BBS5: variants seen among roughly 807,000 people sequenced by gnomAD.
BBS5 encodes BBSome complex member BBS5.
Under a neutral mutation model 50.2 loss-of-function variants are expected in BBS5, and 39 were observed. The observed-to-expected ratio is 0.78, with a 90% CI of 0.60 to 1.01. The LOEUF (loss-of-function observed/expected upper bound fraction) is 1.01. Ranked by LOEUF, BBS5 falls within the 50% of genes least tolerant of loss-of-function variation. The probability of loss-of-function intolerance (pLI) is 0.00; values close to 1 mark genes in which losing one functional copy is unlikely to be tolerated. For synonymous variants in BBS5, 134 were observed against 133.1 expected, an observed-to-expected ratio of 1.01 and a Z score of -0.05; for missense variants, 356 against 401.5, an observed-to-expected ratio of 0.89 and a Z score of 0.97.
At chr2:169,496,686 G>A (rs540197575) in intron 7 of BBS5, among the ~76,000 whole-genome samples, 117 of 151,652 alleles carry the variant, frequency 7.7e-4, no homozygotes, top group Middle Eastern at 3.4e-3. Context: ...CGGCTAAAAC[G>A]GTGAAACCCC....
rs2105297825 is a variant in BBS5, at chr2:169,493,007, C to T, written c.520C>T (p.Gln174Ter). ...TGGAGTTTGGAATTTATCCAGTGAT[C>T]AGGTATTGTGCAAAGAGCTAGTGAA... ...INGVWNLSSD[Q>*]GNLGTFFITN... The change falls in exon 6 of 12, where the codon CAG (glutamine) becomes TAG (stop). Residue 174 changes from glutamine (Q) to a stop codon, truncating the protein, a stop_gained and splice_region_variant. Coordinates refer to ENST00000295240, the MANE Select transcript of BBS5 (RefSeq NM_152384.3). LOFTEE classifies it high-confidence loss of function. 1.2e-6 allele frequency: 2 copies of T among 1,613,474 alleles called. No individual in the cohort carries two copies. Among genetic ancestry groups the T allele is most frequent in the Non-Finnish European group, 8.5e-7 (1 of 1,179,754 alleles).
At chr2:169,483,981 T>C (rs1683446099) in intron 2 of BBS5, among the ~76,000 whole-genome samples, 1 of 152,196 alleles carries the variant, frequency 6.6e-6, no homozygotes, top group Non-Finnish European at 1.5e-5. Context: ...AAAACATTTT[T>C]CGATTCCTCA....
At position 169,497,082 on chromosome 2, in the gene BBS5, G is replaced by C. The variant is rs116117623; in HGVS notation, c.619-545G>C. ...TGCCTGTAACCCCAGCACTTTGGGAGACCAAGAAAGGAGGATTGCTTGAAG... is the reference window on the plus strand; with the variant it reads ...TGCCTGTAACCCCAGCACTTTGGGACACCAAGAAAGGAGGATTGCTTGAAG... On this transcript the variant is annotated intron_variant, in intron 7 of 11. Transcript: ENST00000295240. 8.7e-3 allele frequency among the ~76,000 whole-genome samples: 1,329 copies of C among 152,314 alleles called. 24 individuals carry two copies. Among genetic ancestry groups the C allele is most frequent in the African/African-American group, 0.03 (1,254 of 41,580 alleles).
At chr2:169,499,699 A>G (rs1683764382) in intron 9 of BBS5, 79 bp downstream of exon 9, 4 of 1,411,348 alleles carry the variant, frequency 2.8e-6, no homozygotes, top group Middle Eastern at 1.8e-4. Flanking sequence ...ACCACTGTGC[A>G]CCATTTAATT....
intron 5 of BBS5, among the ~76,000 whole-genome samples, chr2:169,489,667 G>A (rs72885832): frequency 0.081 from 12,032 of 148,924 alleles, 620 homozygotes; most frequent in Non-Finnish European, 0.11. Context: ...TCACTACCTC[G>A]GCTTTTTTTC....
At chr2:169,481,644 A>G (rs1213869713) in intron 1 of BBS5, among the ~76,000 whole-genome samples, 1 of 150,198 alleles carries the variant, frequency 6.7e-6, no homozygotes, top group East Asian at 2.0e-4. Context: ...TGGACACTGT[A>G]GAATGTATTC....
chr2:169,491,224 A>C (rs1683596831), intron 5 of BBS5, among the ~76,000 whole-genome samples: 2 of 152,200 alleles, frequency 1.3e-5, no homozygotes, highest in Admixed American at 1.3e-4. Context: ...CTGTGAAATG[A>C]AAAGTTCTAA....
intron 8 of BBS5, 136 bp downstream of exon 8, chr2:169,497,825 G>A: frequency 1.6e-6 from 1 of 630,736 alleles, no homozygotes; most frequent in South Asian, 2.0e-5. Flanking sequence ...TATATGAAGT[G>A]TTTGAAGTCA....
At chr2:169,485,343 C>G (rs1389143278) in intron 2 of BBS5, among the ~76,000 whole-genome samples, 2 of 140,180 alleles carry the variant, frequency 1.4e-5, no homozygotes, top group Non-Finnish European at 3.3e-5. Flanking sequence ...ATAATAAAAA[C>G]AGTAAAACAA....
intron 2 of BBS5, among the ~76,000 whole-genome samples, chr2:169,485,854 G>T (rs933531975): frequency 6.6e-6 from 1 of 152,176 alleles, no homozygotes; most frequent in Non-Finnish European, 1.5e-5. Flanking sequence ...CCAGTGAAGG[G>T]TTGGCTGTGT....
chr2:169,492,191 A>T (rs1382939255), intron 5 of BBS5, among the ~76,000 whole-genome samples: 1 of 151,618 alleles, frequency 6.6e-6, no homozygotes, highest in Non-Finnish European at 1.5e-5. Flanking sequence ...AACAATTTCC[A>T]TGTGTATTAA....
At chr2:169,496,830 C>G (rs1181220849) in intron 7 of BBS5, among the ~76,000 whole-genome samples, 1 of 151,842 alleles carries the variant, frequency 6.6e-6, no homozygotes, top group East Asian at 1.9e-4. Context: ...GATCACACCA[C>G]TGCACTCCAG....
chr2:169,480,764 C>T (rs1300485370), intron 1 of BBS5, among the ~76,000 whole-genome samples: 1 of 149,246 alleles, frequency 6.7e-6, no homozygotes, highest in Non-Finnish European at 1.5e-5. Flanking sequence ...TCACTGCGAC[C>T]TCCGCCTCCC....
At chr2:169,499,690 C>G in intron 9 of BBS5, 70 bp downstream of exon 9, 2 of 1,419,420 alleles carry the variant, frequency 1.4e-6, no homozygotes, top group Non-Finnish European at 2.0e-6. Flanking sequence ...GATGTAGATA[C>G]CACTGTGCAC....
In BBS5 at chr2:169,505,697, ATAAG is replaced by A. The variant is rs1300099101; in HGVS notation, c.*1120_*1123del. The A allele has an allele frequency of 4.7e-6, 1 of 210,850 alleles. No homozygotes were observed. Among genetic ancestry groups the A allele is most frequent in the Non-Finnish European group, 9.5e-6 (1 of 105,816 alleles). The allele number at this position is 210,850 out of a possible 1,614,324, so 13.1% of individuals were successfully genotyped here. Reference sequence around the variant, plus strand: ...CTCCGCCTGGCAACCGCCCCGTCTGATAAGTAAGGAGCCCCTCTGCCCAGCAGCC... The same window carrying A: ...CTCCGCCTGGCAACCGCCCCGTCTGATAAGGAGCCCCTCTGCCCAGCAGCC... On this transcript the variant is annotated 3_prime_UTR_variant, in exon 12 of 12. Transcript: ENST00000295240.
At chr2:169,503,451 T>C (rs1398487014) in intron 10 of BBS5, among the ~76,000 whole-genome samples, 1 of 152,038 alleles carries the variant, frequency 6.6e-6, no homozygotes, top group Non-Finnish European at 1.5e-5. Context: ...CTTGAGAGGA[T>C]AGGAGTTTAA....
At chr2:169,482,488 G>T in intron 2 of BBS5, 155 bp downstream of exon 2, 1 of 668,290 alleles carries the variant, frequency 1.5e-6, no homozygotes, top group South Asian at 1.7e-5. Context: ...GATTTAAACA[G>T]AAGACAGGAT....
Position 169,488,133 on chromosome 2 carries a change from G to T in BBS5, c.386+19G>T. The T allele has an allele frequency of 6.2e-7, 1 of 1,610,944 alleles. No homozygotes were observed. The highest frequency in any genetic ancestry group is 1.1e-5 in the South Asian group (1 of 90,840). ...TACACAGGTATAGTAATACTTTATG[G>T]ATTATTGAATATTTTTTGTTTACTC... On this transcript the variant is annotated intron_variant, in intron 5 of 11. Transcript: ENST00000295240.
chr2:169,488,380 G>T (rs759788022), intron 5 of BBS5, among the ~76,000 whole-genome samples: 1 of 152,194 alleles, frequency 6.6e-6, no homozygotes, highest in African/African-American at 2.4e-5. Context: ...TCCCATCTGG[G>T]GTGATGGGAG....
Sources: gnomAD v4.1 joint callset for allele counts (sites outside exome capture counted in the v4.1 genomes callset) on GRCh38, gnomAD v4.1.1 for gene constraint, MANE v1.5 for transcripts, NCBI Gene and HGNC (gene_info 2026-07-23, HGNC 2026-07-21) for gene names.